ANKRD33B: variants seen among roughly 807,000 people sequenced by gnomAD.
ANKRD33B encodes the protein ankyrin repeat domain 33B.
Under a neutral mutation model 21.5 loss-of-function variants are expected in ANKRD33B, and 6 were observed. That is an observed-to-expected ratio of 0.28 (90% CI 0.15 to 0.55). The LOEUF is 0.55. ANKRD33B is among the 20% of genes least tolerant of loss of function. ANKRD33B has a pLI of 0.94. For missense variants in ANKRD33B, 698 were observed against 747.2 expected (o/e 0.93, Z 0.77); for synonymous variants, 347 against 342.4 (o/e 1.01, Z -0.15).
intron 2 of ANKRD33B, among the ~76,000 whole-genome samples, chr5:10,628,540 C>G (rs759500946): frequency 6.6e-6 from 1 of 152,184 alleles, no homozygotes; most frequent in Non-Finnish European, 1.5e-5. Context: ...AGGCTTGTAT[C>G]TAACTCCTAA....
chr5:10,649,174 G>T lies in ANKRD33B; in HGVS notation c.638-92G>T. 9 of 1,440,472 alleles carry T rather than the reference G, an allele frequency of 6.2e-6. No homozygotes were observed. In the South Asian group the frequency reaches 8.6e-5, roughly 14 times the overall value. 89.2% of individuals were successfully genotyped at this position (1,440,472 alleles called of 1,614,324 possible). On this transcript the variant is annotated intron_variant, in intron 3 of 3. Coordinates refer to ENST00000296657, the MANE Select transcript of ANKRD33B (RefSeq NM_001164440.2). ...AGGCTTGGGGCCAGGGGTGGGGGGT[G>T]GGGGCAGTTTTGCCTTTGCCCCAGG...
rs1736359658 is a variant in ANKRD33B, at chr5:10,619,318, T to C, written c.496+856T>C. ...GAAGGAGGGGAAGCTTACACGGTTG[T>C]CGGGTTGTTGAGAATCCCACTCAGG... On this transcript the variant is annotated intron_variant, in intron 2 of 3. Transcript: ENST00000296657. The surrounding 1 kb of genome is among the most constrained non-coding windows in gnomAD (Gnocchi z 4.5). 3.0e-6 allele frequency: 3 copies of C among 985,308 alleles called. No individual in the cohort carries two copies. Among genetic ancestry groups the C allele is most frequent in the South Asian group, 4.7e-5 (1 of 21,284 alleles). The allele number at this position is 985,308 out of a possible 1,614,324, so 61.0% of individuals were successfully genotyped here.
At chr5:10,608,850 G>A (rs1033995040) in intron 1 of ANKRD33B, among the ~76,000 whole-genome samples, 2 of 152,258 alleles carry the variant, frequency 1.3e-5, no homozygotes, top group South Asian at 2.1e-4. Flanking sequence ...GAAAACAATC[G>A]CAACACCCTT....
chr5:10,609,900 C>T (rs1325344549), intron 1 of ANKRD33B, among the ~76,000 whole-genome samples: 5 of 151,916 alleles, frequency 3.3e-5, no homozygotes, highest in African/African-American at 9.7e-5. Context: ...CAGAGTGAGA[C>T]TCCATCTAAA....
chr5:10,649,774 C>T lies in ANKRD33B; in HGVS notation c.1146C>T (p.Ser382=). 1 of 1,401,998 alleles carries T rather than the reference C, an allele frequency of 7.1e-7. No individual in the cohort carries two copies. Among genetic ancestry groups the T allele is most frequent in the Non-Finnish European group, 9.2e-7 (1 of 1,084,626 alleles). 86.8% of individuals were successfully genotyped at this position (1,401,998 alleles called of 1,614,324 possible). A position where few individuals can be genotyped will look rare whatever the true frequency, so the allele number is the denominator to read the frequency against. Residue 382 remains serine, a synonymous_variant, in exon 4 of 4, where the codon TCC becomes TCT. Transcript: ENST00000296657. ...AGGACGCGGACTCCCGGGAGGGCTC[C>T]CCGAGAGCCGGCCTCCCTCCCGCCC... is the stretch of plus-strand genomic sequence containing the variant. ...GQEDADSREG[S]PRAGLPPALG...
chr5:10,626,854 G>A (rs954569412), intron 2 of ANKRD33B, among the ~76,000 whole-genome samples: 2 of 152,246 alleles, frequency 1.3e-5, no homozygotes, highest in African/African-American at 4.8e-5. Flanking sequence ...ACCAGTGATG[G>A]AGGATGGCTT....
chr5:10,637,129 C>T (rs1006317029), intron 2 of ANKRD33B, among the ~76,000 whole-genome samples: 17 of 152,080 alleles, frequency 1.1e-4, no homozygotes, highest in African/African-American at 4.1e-4. Flanking sequence ...ATGAGCTAGC[C>T]GGCATCAGGT....
intron 1 of ANKRD33B, among the ~76,000 whole-genome samples, chr5:10,567,873 G>A (rs556904062): frequency 2.4e-4 from 36 of 152,288 alleles, no homozygotes; most frequent in African/African-American, 6.7e-4. Context: ...TTGGTGCAGT[G>A]GAGGGGTAAT....
chr5:10,629,103 C>T (rs908893918), intron 2 of ANKRD33B, among the ~76,000 whole-genome samples: 3 of 151,980 alleles, frequency 2.0e-5, no homozygotes, highest in Admixed American at 6.6e-5. Context: ...AGAGCAGAGC[C>T]CATGGAGAGT....
chr5:10,589,752 T>C (rs928476187), intron 1 of ANKRD33B, among the ~76,000 whole-genome samples: 4 of 152,208 alleles, frequency 2.6e-5, no homozygotes, highest in Non-Finnish European at 4.4e-5. Flanking sequence ...AAAATCTTGT[T>C]TGGGGTTTAT....
At chr5:10,608,575 T>C (rs1387695725) in intron 1 of ANKRD33B, among the ~76,000 whole-genome samples, 1 of 151,864 alleles carries the variant, frequency 6.6e-6, no homozygotes, top group Non-Finnish European at 1.5e-5. Context: ...AAAGAATGGA[T>C]GTGTTCATAT....
At chr5:10,642,291 C>T (rs1199254860) in intron 3 of ANKRD33B, among the ~76,000 whole-genome samples, 1 of 152,132 alleles carries the variant, frequency 6.6e-6, no homozygotes, top group Non-Finnish European at 1.5e-5. Context: ...GCTGACATTG[C>T]TCTTCCCCCA....
At position 10,654,249 on chromosome 5, in the gene ANKRD33B, C is replaced by T. The variant is rs967126686; in HGVS notation, c.*4136C>T. On this transcript the variant is annotated 3_prime_UTR_variant, in exon 4 of 4. Coordinates refer to ENST00000296657, the MANE Select transcript of ANKRD33B (RefSeq NM_001164440.2). Reference sequence around the variant, plus strand: ...TCCTACACGGCTGTGCCTCTCCCACCCCGTCCTCTTTGCTCGGAAGGGAGA... The same window carrying T: ...TCCTACACGGCTGTGCCTCTCCCACTCCGTCCTCTTTGCTCGGAAGGGAGA... 6.6e-6 allele frequency: 1 copy of T among 152,430 alleles called. No homozygotes were observed. Among genetic ancestry groups the T allele is most frequent in the Admixed American group, 6.5e-5 (1 of 15,286 alleles). 9.4% of individuals were successfully genotyped at this position (152,430 alleles called of 1,614,324 possible). A position where few individuals can be genotyped will look rare whatever the true frequency, so the allele number is the denominator to read the frequency against.
rs1443333277 is a variant in ANKRD33B, at chr5:10,655,341, G to A, written c.*5228G>A. The stretch of plus-strand genomic sequence containing the variant: ...ATCGTGCGTACCGAGTGATTATGAT[G>A]AAACGTATCCCAGAGAGGAAATGAA... On this transcript the variant is annotated 3_prime_UTR_variant, in exon 4 of 4. Coordinates refer to ENST00000296657, the MANE Select transcript of ANKRD33B (RefSeq NM_001164440.2). 1 of 152,334 alleles carries A rather than the reference G, an allele frequency of 6.6e-6. No homozygotes were observed. Among genetic ancestry groups the A allele is most frequent in the Non-Finnish European group, 1.5e-5 (1 of 68,042 alleles). The allele number at this position is 152,334 out of a possible 1,614,324, so 9.4% of individuals were successfully genotyped here.
chr5:10,623,084 G>A (rs956753994), intron 2 of ANKRD33B, among the ~76,000 whole-genome samples: 1 of 152,156 alleles, frequency 6.6e-6, no homozygotes, highest in Non-Finnish European at 1.5e-5. Flanking sequence ...ATGGGAGCCT[G>A]TAACAACCAA....
Position 10,570,903 on chromosome 5 carries a change from C to CTTTTT in ANKRD33B, c.366+6084_366+6088dup, listed in dbSNP as rs11301499. 1.3e-3 allele frequency among the ~76,000 whole-genome samples: 164 copies of CTTTTT among 126,814 alleles called. 1 individual carries two copies. Among genetic ancestry groups the CTTTTT allele is most frequent in the African/African-American group, 4.6e-3 (152 of 33,152 alleles). 83.2% of individuals were successfully genotyped at this position (126,814 alleles called of 152,430 possible). ...TCTTTAACAACATGACTCAAATAAC[C>CTTTTT]TTTTTTTTTTTTTTTTTTGTCAATT... On this transcript the variant is annotated intron_variant, in intron 1 of 3. Transcript: ENST00000296657.
Position 10,591,194 on chromosome 5 carries a change from G to GTTTTTTTTTTTTTTTT in ANKRD33B, c.366+26361_366+26362insTTTTTTTTTTTTTTTT, listed in dbSNP as rs749837253. Among the ~76,000 whole-genome samples, 26 of 113,492 alleles carry GTTTTTTTTTTTTTTTT rather than the reference G, an allele frequency of 2.3e-4. 6 individuals are homozygous for GTTTTTTTTTTTTTTTT. The highest frequency in any genetic ancestry group is 5.4e-4 in the Admixed American group (5 of 9,192). The allele number at this position is 113,492 out of a possible 152,430, so 74.5% of individuals were successfully genotyped here. ...AATAGTCATCTACATTTTTTTTAGT[G>GTTTTTTTTTTTTTTTT]GTTTTTTTTTTTTTTTGAGATGGAG... On this transcript the variant is annotated intron_variant, in intron 1 of 3. Transcript: ENST00000296657.
At chr5:10,621,283 T>C (rs1736414330) in intron 2 of ANKRD33B, among the ~76,000 whole-genome samples, 1 of 152,238 alleles carries the variant, frequency 6.6e-6, no homozygotes. Context: ...GGAATGGTAT[T>C]TAGAAACCAA....
Position 10,649,653 on chromosome 5 carries a change from T to G in ANKRD33B, c.1025T>G (p.Val342Gly), listed in dbSNP as rs2126611307. ...PPSVGKRRLA[V>G]QEILAARAAR... ...AGCGTGGGGAAGAGGCGGCTGGCGG[T>G]GCAGGAGATCCTGGCGGCGCGGGCT... Residue 342 changes from valine to glycine, a missense_variant, in exon 4 of 4, where the codon GTG (valine) becomes GGG (glycine). Val to Gly is a moderately radical substitution (Grantham distance 109, BLOSUM62 -3). This residue lies in a region of ANKRD33B where 543 missense variants were observed against 566.5 expected (regional missense o/e 0.96). Coordinates refer to ENST00000296657, the MANE Select transcript of ANKRD33B (RefSeq NM_001164440.2). The G allele has an allele frequency of 6.5e-7, 1 of 1,530,410 alleles. No homozygotes were observed. The allele number at this position is 1,530,410 out of a possible 1,614,324, so 94.8% of individuals were successfully genotyped here. A position where few individuals can be genotyped will look rare whatever the true frequency, so the allele number is the denominator to read the frequency against.
Sources: gnomAD v4.1 joint callset for allele counts (sites outside exome capture counted in the v4.1 genomes callset) on GRCh38, gnomAD v4.1.1 for gene constraint, gnomAD v4.1.1 regional missense constraint, Gnocchi (gnomAD v3.1) non-coding constraint, MANE v1.5 for transcripts, NCBI Gene and HGNC (gene_info 2026-07-23, HGNC 2026-07-21) for gene names.